The following CYLD variants were observed in gnomAD, a reference collection of about 807,000 sequenced individuals.
The protein encoded by CYLD is CYLD lysine 63 deubiquitinase.
A neutral mutation model predicts 104.5 loss-of-function variants in CYLD; 26 were observed. That is an observed-to-expected ratio of 0.25 (90% CI 0.18 to 0.35). The LOEUF (loss-of-function observed/expected upper bound fraction) is 0.35. CYLD is among the 10% of genes least tolerant of loss of function. The pLI, the probability that CYLD is intolerant of heterozygous loss-of-function variation, is 1.00. For synonymous variants in CYLD, 385 were observed against 399.9 expected, an observed-to-expected ratio of 0.96 and a Z score of 0.45; for missense variants, 703 against 1,136.1, an observed-to-expected ratio of 0.62 and a Z score of 5.48.
Position 50,801,757 on chromosome 16 carries a change from C to T in CYLD, c.*5249C>T. On this transcript the variant is annotated 3_prime_UTR_variant, in exon 19 of 19. Transcript: ENST00000427738. The stretch of plus-strand genomic sequence containing the variant: ...TTATTTTTATTTCTTGTCTGCAGAA[C>T]ATCCTATATTTATGAGAACATTCTT... 1 of 233,226 alleles carries T rather than the reference C, an allele frequency of 4.3e-6. No homozygotes were observed. The highest frequency in any genetic ancestry group is 8.5e-6 in the Non-Finnish European group (1 of 117,742). 14.4% of individuals were successfully genotyped at this position (233,226 alleles called of 1,614,324 possible).
chr16:50,765,341 T>C (rs1249466649), intron 5 of CYLD, among the ~76,000 whole-genome samples: 1 of 152,180 alleles, frequency 6.6e-6, no homozygotes, highest in Non-Finnish European at 1.5e-5. Context: ...TTGAAATTGT[T>C]TTAAGGCACC....
intron 15 of CYLD, 64 bp from the exon 16 acceptor site, chr16:50,792,533 G>A (rs1018935519): frequency 1.6e-5 from 17 of 1,084,804 alleles, no homozygotes; most frequent in Non-Finnish European, 2.3e-5. Context: ...TGACTATTTT[G>A]GTTTCATAGG....
intron 6 of CYLD, 45 bp from the exon 7 acceptor site, chr16:50,776,134 A>G: frequency 1.5e-6 from 2 of 1,324,004 alleles, no homozygotes; most frequent in South Asian, 2.4e-5. Context: ...TTTCTCTTCT[A>G]TAAGAATTTG....
At chr16:50,748,315 AGT>A (rs1966363898) in intron 2 of CYLD, among the ~76,000 whole-genome samples, 1 of 152,246 alleles carries the variant, frequency 6.6e-6, no homozygotes, top group South Asian at 2.1e-4. Context: ...GAAATTGTGT[AGT>A]TTTTTAACCA....
chr16:50,769,096 CTT>C (rs371389708), intron 5 of CYLD, among the ~76,000 whole-genome samples: 8 of 152,150 alleles, frequency 5.3e-5, no homozygotes, highest in Non-Finnish European at 8.8e-5. Flanking sequence ...TTGATGGACA[CTT>C]GAGTTTTTTT....
In CYLD at chr16:50,799,881, A is replaced by T. The variant is rs1972334343; in HGVS notation, c.*3373A>T. On this transcript the variant is annotated 3_prime_UTR_variant, in exon 19 of 19. Transcript: ENST00000427738. ...TTTTGCTGAGTAACTGCCAACCAAG[A>T]AGTATTTATCGGACACTTACTAGGT... 1 of 232,956 alleles carries T rather than the reference A, an allele frequency of 4.3e-6. No individual in the cohort carries two copies. Among genetic ancestry groups the T allele is most frequent in the Admixed American group, 5.6e-5 (1 of 17,758 alleles). 14.4% of individuals were successfully genotyped at this position (232,956 alleles called of 1,614,324 possible).
In CYLD at chr16:50,794,014, G is replaced by A. The variant is rs780054747; in HGVS notation, c.2470-198G>A. On this transcript the variant is annotated intron_variant, in intron 17 of 18. Transcript: ENST00000427738. The surrounding 1 kb of genome is among the most constrained non-coding windows in gnomAD (Gnocchi z 4.1). The stretch of plus-strand genomic sequence containing the variant: ...ACGATCTCGGCCCACTGCAACCTCC[G>A]CCTCCGGGATTTAAATGATTCTCCT... Among the ~76,000 whole-genome samples the A allele has an allele frequency of 1.0e-4, 15 of 146,440 alleles. No homozygotes were observed. The highest frequency in any genetic ancestry group is 1.6e-4 in the Non-Finnish European group (11 of 67,146).
chr16:50,774,968 A>T (rs1969520052), intron 5 of CYLD, among the ~76,000 whole-genome samples, 198 bp from the exon 6 acceptor site: 1 of 152,230 alleles, frequency 6.6e-6, no homozygotes, highest in Non-Finnish European at 1.5e-5. Flanking sequence ...GATGTTTAAG[A>T]TATAGTTTAA....
chr16:50,777,774 T>TTGA (rs758966187), intron 7 of CYLD, 51 bp from the exon 8 acceptor site: 1 of 958,670 alleles, frequency 1.0e-6, no homozygotes, highest in South Asian at 1.3e-5. Flanking sequence ...AAAAAAAACT[T>TTGA]TGATGCTATA....
chr16:50,787,263 G>C (rs998888511), intron 13 of CYLD: 2 of 329,362 alleles, frequency 6.1e-6, no homozygotes, highest in Middle Eastern at 9.9e-4. Flanking sequence ...AGTTGCATTG[G>C]GTTTTCTACA....
intron 7 of CYLD, among the ~76,000 whole-genome samples, chr16:50,776,624 C>A (rs192540504): frequency 1.3e-5 from 2 of 152,134 alleles, no homozygotes; most frequent in Admixed American, 1.3e-4. Context: ...ATAAAGTATA[C>A]TAGAGGTTAA....
intron 18 of CYLD, among the ~76,000 whole-genome samples, chr16:50,795,104 C>T (rs554113617): frequency 2.0e-5 from 3 of 152,262 alleles, no homozygotes; most frequent in African/African-American, 7.2e-5. Flanking sequence ...TAAATCCTGG[C>T]AAGATGGGGA....
At position 50,801,761 on chromosome 16, in the gene CYLD, CTATATTTATGAGAACATTCTT is replaced by C. The variant is rs1567468622; in HGVS notation, c.*5256_*5276del. ...TTTTATTTCTTGTCTGCAGAACATC[CTATATTTATGAGAACATTCTT>C]TAAGAAGACCACCACATAGAATACC... On this transcript the variant is annotated 3_prime_UTR_variant, in exon 19 of 19. Transcript: ENST00000427738. 1.3e-5 allele frequency: 3 copies of C among 233,096 alleles called. No homozygotes were observed. The highest frequency in any genetic ancestry group is 6.6e-5 in the African/African-American group (3 of 45,270). The allele number at this position is 233,096 out of a possible 1,614,324, so 14.4% of individuals were successfully genotyped here.
intron 5 of CYLD, among the ~76,000 whole-genome samples, chr16:50,773,273 C>T (rs1969337200): frequency 6.6e-6 from 1 of 152,194 alleles, no homozygotes; most frequent in South Asian, 2.1e-4. Flanking sequence ...GCTCAAGATT[C>T]TCCAAGGGAT....
chr16:50,757,668 C>CT (rs1967416190), intron 5 of CYLD, among the ~76,000 whole-genome samples: 2 of 152,068 alleles, frequency 1.3e-5, no homozygotes, highest in South Asian at 4.1e-4. Context: ...TCCCGAGTAG[C>CT]TGGGACCACA....
At chr16:50,753,214 A>G (rs1052845247) in intron 4 of CYLD, among the ~76,000 whole-genome samples, 1 of 152,206 alleles carries the variant, frequency 6.6e-6, no homozygotes, top group African/African-American at 2.4e-5. Context: ...TAAAACATGT[A>G]TGCCCCTCAG....
chr16:50,799,771 A>G lies in CYLD; in HGVS notation c.*3263A>G, dbSNP rs1307628577. The G allele has an allele frequency of 4.3e-6, 1 of 233,158 alleles. No homozygotes were observed. Among genetic ancestry groups the G allele is most frequent in the Non-Finnish European group, 8.5e-6 (1 of 117,992 alleles). 14.4% of individuals were successfully genotyped at this position (233,158 alleles called of 1,614,324 possible). The stretch of plus-strand genomic sequence containing the variant: ...AGGATTCACTACCCTCTATAGCTGG[A>G]TCTTGAAAATTATCTGGCCAGATAA... On this transcript the variant is annotated 3_prime_UTR_variant, in exon 19 of 19. Coordinates refer to ENST00000427738, the MANE Select transcript of CYLD (RefSeq NM_001378743.1).
chr16:50,750,696 T>C (rs913432518), intron 3 of CYLD, among the ~76,000 whole-genome samples: 1 of 152,194 alleles, frequency 6.6e-6, no homozygotes, highest in African/African-American at 2.4e-5. Flanking sequence ...GACATATATA[T>C]TTTAGAAATT....
At position 50,754,436 on chromosome 16, in the gene CYLD, T is replaced by C. The variant is rs753759381; in HGVS notation, c.913+12T>C. On this transcript the variant is annotated intron_variant, in intron 5 of 18. Coordinates refer to ENST00000427738, the MANE Select transcript of CYLD (RefSeq NM_001378743.1). The stretch of plus-strand genomic sequence containing the variant: ...TGATATCATCCCAGGTATGTTTTCT[T>C]TGTTTTATACATTTATAAGGCAAAC... The C allele has an allele frequency of 9.6e-6, 15 of 1,557,654 alleles. No individual in the cohort carries two copies. The highest frequency in any genetic ancestry group is 3.3e-5 in the Admixed American group (2 of 59,832).
Sources: gnomAD v4.1 joint callset for allele counts (sites outside exome capture counted in the v4.1 genomes callset) on GRCh38, gnomAD v4.1.1 for gene constraint, Gnocchi (gnomAD v3.1) non-coding constraint, MANE v1.5 for transcripts, NCBI Gene and HGNC (gene_info 2026-07-23, HGNC 2026-07-21) for gene names.